Variants in PIK3CB observed in about 807,000 individuals in gnomAD.
PIK3CB encodes phosphatidylinositol 4,5-bisphosphate 3-kinase catalytic subunit beta isoform.
A neutral mutation model predicts 136.8 loss-of-function variants in PIK3CB; 39 were observed. The ratio of observed to expected loss-of-function variants is 0.29; its 90% confidence interval spans 0.22 to 0.37. The LOEUF (loss-of-function observed/expected upper bound fraction) is 0.37. PIK3CB is among the 10% of genes least tolerant of loss of function. The pLI, the probability that PIK3CB is intolerant of heterozygous loss-of-function variation, is 1.00. For missense variants in PIK3CB, 868 were observed against 1,275.4 expected (o/e 0.68, Z 4.87); for synonymous variants, 428 against 436.6 (o/e 0.98, Z 0.25).
At chr3:138,772,558 A>G (rs1224329356) in intron 2 of PIK3CB, among the ~76,000 whole-genome samples, 1 of 151,582 alleles carries the variant, frequency 6.6e-6, no homozygotes, top group African/African-American at 2.4e-5. Flanking sequence ...CCCAGGCTCC[A>G]GCAATTCTCC....
intron 1 of PIK3CB, among the ~76,000 whole-genome samples, chr3:138,827,135 A>T (rs1933817237): frequency 6.6e-6 from 1 of 152,220 alleles, no homozygotes; most frequent in Non-Finnish European, 1.5e-5. Context: ...ATACAGGATC[A>T]AACTACCACA....
At chr3:138,773,616 A>C (rs2045825346) in intron 2 of PIK3CB, among the ~76,000 whole-genome samples, 1 of 152,198 alleles carries the variant, frequency 6.6e-6, no homozygotes, top group South Asian at 2.1e-4. Flanking sequence ...TGGAAAAAAA[A>C]TTTAAAAATT....
intron 15 of PIK3CB, among the ~76,000 whole-genome samples, chr3:138,690,604 A>C (rs2043987228): frequency 6.6e-6 from 1 of 152,094 alleles, no homozygotes; most frequent in African/African-American, 2.4e-5. Context: ...ACAACTTTCT[A>C]GATGAAATAA....
intron 12 of PIK3CB, 38 bp from the exon 13 acceptor site, chr3:138,699,133 G>C: frequency 9.4e-7 from 1 of 1,065,248 alleles, no homozygotes; most frequent in Non-Finnish European, 1.3e-6. Flanking sequence ...ATTTAATTGT[G>C]CAAACACCAC....
chr3:138,745,310 TA>T (rs1375514911), intron 4 of PIK3CB, among the ~76,000 whole-genome samples: 1 of 152,106 alleles, frequency 6.6e-6, no homozygotes, highest in Non-Finnish European at 1.5e-5. Flanking sequence ...CATCATCCAA[TA>T]TCAAAAGAAC....
At chr3:138,760,961 A>G (rs888575428) in intron 2 of PIK3CB, among the ~76,000 whole-genome samples, 1 of 152,240 alleles carries the variant, frequency 6.6e-6, no homozygotes, top group Non-Finnish European at 1.5e-5. Context: ...AATAAATGGA[A>G]AAAGAATAAT....
Position 138,742,755 on chromosome 3 carries a change from C to T in PIK3CB, c.424G>A (p.Asp142Asn), listed in dbSNP as rs369650319. The T allele has an allele frequency of 1.9e-6, 3 of 1,610,596 alleles. No individual in the cohort carries two copies. The African/African-American group carries it at 4.0e-5, about 22-fold the overall frequency. ...CTTCGAAATTCATTTACTTCAGGAT[C>T]CTTCAAGGAATCAAATTCATGCAGA... ...KGLHEFDSLK[D>N]PEVNEFRRKM... Residue 142 changes from aspartate to asparagine, a missense_variant, in exon 5 of 24, where the codon GAT becomes AAT. Around this residue, in one of 4 missense-constraint regions of PIK3CB, gnomAD observed 612 missense variants for 801.1 expected, o/e 0.76. Coordinates refer to ENST00000674063, the MANE Select transcript of PIK3CB (RefSeq NM_006219.3).
At chr3:138,718,074 T>C (rs1044357322) in intron 8 of PIK3CB, among the ~76,000 whole-genome samples, 4 of 152,210 alleles carry the variant, frequency 2.6e-5, no homozygotes, top group Non-Finnish European at 5.9e-5. Context: ...ATGGGTCAAA[T>C]GGTAGTTCTG....
At chr3:138,692,709 G>A (rs915000365) in intron 14 of PIK3CB, among the ~76,000 whole-genome samples, 5 of 152,016 alleles carry the variant, frequency 3.3e-5, no homozygotes, top group African/African-American at 1.2e-4. Flanking sequence ...AAACATACAC[G>A]ATTTTAAAAA....
chr3:138,695,024 T>G, intron 13 of PIK3CB, 117 bp from the exon 14 acceptor site: 3 of 895,938 alleles, frequency 3.3e-6, no homozygotes, highest in Non-Finnish European at 1.6e-6. Flanking sequence ...TTTTAATTAT[T>G]GATGCCTCAA....
intron 1 of PIK3CB, among the ~76,000 whole-genome samples, chr3:138,830,069 G>A (rs1933953720): frequency 6.6e-6 from 1 of 152,282 alleles, no homozygotes; most frequent in Admixed American, 6.5e-5. Context: ...GAAAGGAATA[G>A]GGACAGGCCG....
Position 138,663,903 on chromosome 3 carries a change from C to T in PIK3CB, c.2796+3G>A. On this transcript the variant is annotated splice_donor_region_variant and intron_variant, in intron 21 of 23. Transcript: ENST00000674063. ...CCTTGGCAGATCCTGAGGAGCAGCT[C>T]ACCTGGCCAGTTTTTTTGACCATGA... is the stretch of plus-strand genomic sequence containing the variant. 6.2e-7 allele frequency: 1 copy of T among 1,613,204 alleles called. No individual in the cohort carries two copies. The highest frequency in any genetic ancestry group is 1.1e-5 in the South Asian group (1 of 90,840).
chr3:138,654,434 A>T lies in PIK3CB; in HGVS notation c.*955T>A. ...AATAAATACAGTAAGAAGAGCTGGC[A>T]TTTTTCTAAAATACTGAATTTCAGA... On this transcript the variant is annotated 3_prime_UTR_variant, in exon 24 of 24. Coordinates refer to ENST00000674063, the MANE Select transcript of PIK3CB (RefSeq NM_006219.3). 1 of 227,906 alleles carries T rather than the reference A, an allele frequency of 4.4e-6. No homozygotes were observed. The highest frequency in any genetic ancestry group is 8.7e-6 in the Non-Finnish European group (1 of 114,836). The allele number at this position is 227,906 out of a possible 1,614,324, so 14.1% of individuals were successfully genotyped here.
chr3:138,823,431 A>G (rs1933647739), intron 1 of PIK3CB, among the ~76,000 whole-genome samples: 1 of 150,726 alleles, frequency 6.6e-6, no homozygotes, highest in East Asian at 1.9e-4. Context: ...ACGGTCGGGC[A>G]AGGTGGCTCA....
In PIK3CB at chr3:138,734,564, G is replaced by A. The variant is rs554148260; in HGVS notation, c.972+70C>T. Reference sequence around the variant, plus strand: ...GGAGAAGTGAGCAAAGGAAATATGTGTGAAACTTATGTAAACTAACACAAT... The same window carrying A: ...GGAGAAGTGAGCAAAGGAAATATGTATGAAACTTATGTAAACTAACACAAT... On this transcript the variant is annotated intron_variant, in intron 7 of 23. Transcript: ENST00000674063. 30 of 1,196,058 alleles carry A rather than the reference G, an allele frequency of 2.5e-5. No individual in the cohort carries two copies. The South Asian group carries it at 4.1e-4, about 17-fold the overall frequency. 74.1% of individuals were successfully genotyped at this position (1,196,058 alleles called of 1,614,324 possible). A position where few individuals can be genotyped will look rare whatever the true frequency, so the allele number is the denominator to read the frequency against.
At chr3:138,766,365 C>G (rs1167106649) in intron 2 of PIK3CB, among the ~76,000 whole-genome samples, 2 of 152,134 alleles carry the variant, frequency 1.3e-5, no homozygotes, top group South Asian at 2.1e-4. Flanking sequence ...CAGAATAATT[C>G]ACTAAGTTTT....
chr3:138,713,181 TA>T (rs1280617996), intron 9 of PIK3CB, among the ~76,000 whole-genome samples: 1 of 150,374 alleles, frequency 6.7e-6, no homozygotes, highest in Non-Finnish European at 1.5e-5. Context: ...ACTTTTAGGG[TA>T]TTTTTTTTTT....
chr3:138,775,969 G>A (rs1311425684), intron 2 of PIK3CB, among the ~76,000 whole-genome samples: 1 of 152,118 alleles, frequency 6.6e-6, no homozygotes, highest in Non-Finnish European at 1.5e-5. Flanking sequence ...AGGCTGAGGT[G>A]GGTGGATCAC....
chr3:138,792,988 G>T (rs1014062243), intron 2 of PIK3CB, among the ~76,000 whole-genome samples: 1 of 152,146 alleles, frequency 6.6e-6, no homozygotes, highest in Non-Finnish European at 1.5e-5. Flanking sequence ...TGTAGGGATT[G>T]AGGTTATCTA....
Sources: gnomAD v4.1 joint callset for allele counts (sites outside exome capture counted in the v4.1 genomes callset) on GRCh38, gnomAD v4.1.1 for gene constraint, gnomAD v4.1.1 regional missense constraint, MANE v1.5 for transcripts, NCBI Gene and HGNC (gene_info 2026-07-23, HGNC 2026-07-21) for gene names.